The following PRIM2 variants were observed in gnomAD, a reference collection of about 807,000 sequenced individuals.
PRIM2 encodes the protein DNA primase large subunit.
Under a neutral mutation model 67.3 loss-of-function variants are expected in PRIM2, and 39 were observed. That is an observed-to-expected ratio of 0.58 (90% CI 0.45 to 0.76). The LOEUF (loss-of-function observed/expected upper bound fraction) is 0.76. Ranked by LOEUF, PRIM2 falls within the 30% of genes least tolerant of loss-of-function variation. The pLI is 0.00. For synonymous variants in PRIM2, 143 were observed against 198.7 expected (o/e 0.72, Z 2.36); for missense variants, 398 against 598.7 (o/e 0.66, Z 3.50).
At chr6:57,538,546 CT>C (rs1410916793) in intron 10 of PRIM2, among the ~76,000 whole-genome samples, 4 of 152,056 alleles carry the variant, frequency 2.6e-5, no homozygotes, top group African/African-American at 9.7e-5. Context: ...GATTTGCTGC[CT>C]CCTAAAAGTA....
At chr6:57,416,396 G>T (rs1771264193) in intron 7 of PRIM2, among the ~76,000 whole-genome samples, 1 of 151,376 alleles carries the variant, frequency 6.6e-6, no homozygotes, top group African/African-American at 2.5e-5. Flanking sequence ...AGACATTATT[G>T]TTCCATTTCT....
intron 10 of PRIM2, among the ~76,000 whole-genome samples, chr6:57,574,655 G>A (rs1775930486): frequency 6.6e-6 from 1 of 150,892 alleles, no homozygotes; most frequent in African/African-American, 2.4e-5. Flanking sequence ...GCACTAGCCA[G>A]GAAAGAGGGA....
intron 10 of PRIM2, among the ~76,000 whole-genome samples, chr6:57,597,341 T>C (rs1182902564): frequency 2.0e-5 from 3 of 150,894 alleles, no homozygotes; most frequent in Non-Finnish European, 3.0e-5. Context: ...TTTAAGAAGA[T>C]GACTAGAAAT....
chr6:57,238,564 G>T, the PRIM2 span, among the ~76,000 whole-genome samples: 1 of 152,238 alleles, frequency 6.6e-6, no homozygotes, highest in Non-Finnish European at 1.5e-5. Context: ...ATTTAAAGCA[G>T]TGTGTACAGG....
chr6:57,410,056 C>T (rs1230678110), intron 7 of PRIM2, among the ~76,000 whole-genome samples: 2 of 151,994 alleles, frequency 1.3e-5, no homozygotes, highest in Admixed American at 6.6e-5. Context: ...CAGTGGCTCA[C>T]GCCTGTAATC....
At chr6:57,378,584 T>C (rs558033270) in intron 5 of PRIM2, among the ~76,000 whole-genome samples, 1 of 152,204 alleles carries the variant, frequency 6.6e-6, no homozygotes, top group Non-Finnish European at 1.5e-5. Context: ...AGGAATACTT[T>C]GAGGTGTAAT....
At position 57,393,464 on chromosome 6, in the gene PRIM2, T is replaced by C. The variant is rs1185296865; in HGVS notation, c.693+11296T>C. On this transcript the variant is annotated intron_variant, in intron 7 of 13. Coordinates refer to ENST00000615550, the MANE Select transcript of PRIM2 (RefSeq NM_000947.5). ...CCATTTGTATATCTTCTTTTGAGAA[T>C]TGTCTATTCATATCCTTAGCCCACT... Among the ~76,000 whole-genome samples, 32 of 152,160 alleles carry C rather than the reference T, an allele frequency of 2.1e-4. 1 individual carries two copies. The highest frequency in any genetic ancestry group is 2.0e-3 in the Admixed American group (30 of 15,264).
intron 5 of PRIM2, among the ~76,000 whole-genome samples, chr6:57,360,379 G>A (rs887053512): frequency 6.6e-6 from 1 of 151,910 alleles, no homozygotes; most frequent in Non-Finnish European, 1.5e-5. Context: ...GCTTTATATT[G>A]GCTCTTGATA....
the PRIM2 span, among the ~76,000 whole-genome samples, chr6:57,253,179 A>T: frequency 7.5e-6 from 1 of 133,924 alleles, no homozygotes; most frequent in South Asian, 2.5e-4. Context: ...TCCTAAGAAA[A>T]ACAACATGCA....
At position 57,470,557 on chromosome 6, in the gene PRIM2, T is replaced by C. The variant is rs1288977861; in HGVS notation, c.694-36830T>C. 7.0e-4 allele frequency among the ~76,000 whole-genome samples: 105 copies of C among 150,530 alleles called. 3 individuals are homozygous for C. In the East Asian group the frequency reaches 0.017, roughly 25 times the overall value. Reference sequence around the variant, plus strand: ...GCATTGCTGCTTAGGTAGAATAATGTGTAGAGAGAACTGTCATGTTTCAGA... The same window carrying C: ...GCATTGCTGCTTAGGTAGAATAATGCGTAGAGAGAACTGTCATGTTTCAGA... On this transcript the variant is annotated intron_variant, in intron 7 of 13. Coordinates refer to ENST00000615550, the MANE Select transcript of PRIM2 (RefSeq NM_000947.5).
chr6:57,416,972 C>CT (rs377078433), intron 7 of PRIM2, among the ~76,000 whole-genome samples: 68,897 of 144,304 alleles, frequency 0.48, 17,420 homozygotes, highest in South Asian at 0.61. Flanking sequence ...TTCTTTTTTT[C>CT]TTTTTTTTTT....
intron 7 of PRIM2, among the ~76,000 whole-genome samples, chr6:57,453,302 G>GT (rs1204778466): frequency 1.1e-4 from 17 of 152,134 alleles, no homozygotes; most frequent in Admixed American, 1.0e-3. Flanking sequence ...CTTTAAGGTA[G>GT]TTTTTTCCAA....
intron 5 of PRIM2, among the ~76,000 whole-genome samples, chr6:57,340,623 A>T (rs150498269): frequency 6.6e-6 from 1 of 151,972 alleles, no homozygotes. Context: ...ACCAAACACC[A>T]CATATTCTCA....
intron 7 of PRIM2, among the ~76,000 whole-genome samples, chr6:57,499,698 T>C (rs1254052039): frequency 6.6e-6 from 1 of 152,232 alleles, no homozygotes; most frequent in East Asian, 1.9e-4. Context: ...TTGTATGTTT[T>C]ACTCTTGTTA....
At chr6:57,489,942 T>TC (rs1773852247) in intron 7 of PRIM2, among the ~76,000 whole-genome samples, 1 of 151,808 alleles carries the variant, frequency 6.6e-6, no homozygotes, top group African/African-American at 2.4e-5. Context: ...TTTTTTTTTT[T>TC]TGTCTTTGAA....
chr6:57,497,632 A>G (rs1304980971), intron 7 of PRIM2: 2 of 152,182 alleles, frequency 1.3e-5, no homozygotes, highest in Admixed American at 6.6e-5. Context: ...AATGGAATCT[A>G]TGCATTTTGC....
the PRIM2 span, among the ~76,000 whole-genome samples, chr6:57,230,205 C>T: frequency 6.6e-6 from 1 of 152,192 alleles, no homozygotes; most frequent in Non-Finnish European, 1.5e-5. Flanking sequence ...TCTTCCTTGT[C>T]GCTTCCCTGT....
At chr6:57,452,619 G>C (rs190590549) in intron 7 of PRIM2, among the ~76,000 whole-genome samples, 1 of 152,012 alleles carries the variant, frequency 6.6e-6, no homozygotes, top group African/African-American at 2.4e-5. Flanking sequence ...TTGCCCACTT[G>C]TTGATGGGGT....
At chr6:57,365,219 C>T (rs1027112382) in intron 5 of PRIM2, among the ~76,000 whole-genome samples, 62 of 149,190 alleles carry the variant, frequency 4.2e-4, no homozygotes, top group Non-Finnish European at 6.1e-4. Context: ...GAGAAACTGT[C>T]AGGAAAGATG....
Sources: allele counts gnomAD v4.1 joint callset (sites outside exome capture counted in the v4.1 genomes callset), GRCh38; gene constraint gnomAD v4.1.1; transcripts MANE v1.5; gene names NCBI Gene and HGNC (gene_info 2026-07-23, HGNC 2026-07-21).